AKT3: variants seen among roughly 807,000 people sequenced by gnomAD.
AKT3 encodes AKT serine/threonine kinase 3.
A neutral mutation model predicts 65.3 loss-of-function variants in AKT3; 15 were observed. The observed-to-expected ratio is 0.23, with a 90% CI of 0.15 to 0.35. The LOEUF (loss-of-function observed/expected upper bound fraction) is 0.35. Among genes scored for constraint, AKT3 ranks in the 10% least tolerant of loss-of-function variants. The pLI, the probability that AKT3 is intolerant of heterozygous loss-of-function variation, is 1.00. For missense variants in AKT3, 243 were observed against 576.5 expected (o/e 0.42, Z 5.92); for synonymous variants, 206 against 183.8 (o/e 1.12, Z -0.98).
At chr1:243,590,377 C>T (rs1571990156) in intron 8 of AKT3, among the ~76,000 whole-genome samples, 1 of 152,048 alleles carries the variant, frequency 6.6e-6, no homozygotes, top group East Asian at 1.9e-4. Context: ...TTTATTTGTT[C>T]ATTATACCTC....
chr1:243,489,461 G>T (rs1665846456), intron 13 of AKT3, among the ~76,000 whole-genome samples: 1 of 152,208 alleles, frequency 6.6e-6, no homozygotes, highest in South Asian at 2.1e-4. Flanking sequence ...GGCCGTGGGC[G>T]GCAGAACAGG....
chr1:243,731,072 A>C (rs1255067987), intron 2 of AKT3, among the ~76,000 whole-genome samples: 2 of 152,222 alleles, frequency 1.3e-5, no homozygotes, highest in Admixed American at 6.5e-5. Flanking sequence ...GTGAAACTCA[A>C]GCAGGGGCGC....
chr1:243,610,339 A>G (rs1235420918), intron 8 of AKT3, among the ~76,000 whole-genome samples: 4 of 152,218 alleles, frequency 2.6e-5, no homozygotes, highest in Non-Finnish European at 5.9e-5. Context: ...CCAACTATGT[A>G]CAAGCAGTGA....
chr1:243,646,167 A>G, intron 4 of AKT3, 130 bp from the exon 5 acceptor site: 1 of 687,098 alleles, frequency 1.5e-6, no homozygotes, highest in Non-Finnish European at 2.2e-6. Context: ...ACAGATAAGC[A>G]TACACTCTCA....
chr1:243,825,361 T>C (rs1417425229), intron 2 of AKT3, among the ~76,000 whole-genome samples: 1 of 152,192 alleles, frequency 6.6e-6, no homozygotes, highest in Non-Finnish European at 1.5e-5. Context: ...CGTTTACCTA[T>C]GTAACAAACC....
intron 12 of AKT3, among the ~76,000 whole-genome samples, chr1:243,542,967 T>A (rs1672419431): frequency 6.6e-6 from 1 of 152,188 alleles, no homozygotes; most frequent in African/African-American, 2.4e-5. Context: ...AATCTATTGT[T>A]TACAGAAACA....
chr1:243,723,938 T>C (rs954277656), intron 2 of AKT3, among the ~76,000 whole-genome samples: 4 of 152,132 alleles, frequency 2.6e-5, no homozygotes, highest in Admixed American at 6.6e-5. Context: ...GGTGTTTTCA[T>C]TGGCTTCGTT....
chr1:243,773,210 AT>A (rs201398137), intron 2 of AKT3, among the ~76,000 whole-genome samples: 9 of 137,532 alleles, frequency 6.5e-5, no homozygotes, highest in African/African-American at 2.5e-4. Flanking sequence ...TATAAAAAAT[AT>A]ATATATATAT....
chr1:243,645,958 T>C lies in AKT3; in HGVS notation c.364A>G (p.Thr122Ala), dbSNP rs371339772. The part of the protein sequence containing the change: ...QEEERMNCSP[T>A]SQIDNIGEEE... ...TCTCCTATATTATCAATTTGTGAAG[T>C]TGGACTACAATTCATTCTCTCCTCT... Residue 122 changes from threonine (T) to alanine (A), a missense_variant, in exon 5 of 14, where the codon ACT becomes GCT. By Grantham distance (58) the Thr-to-Ala change is moderately conservative (BLOSUM62 0). Around this residue, in one of 6 missense-constraint regions of AKT3, gnomAD observed 72 missense variants for 86.0 expected, o/e 0.84. Transcript: ENST00000673466. 16 of 1,612,604 alleles carry C rather than the reference T, an allele frequency of 9.9e-6. No homozygotes were observed. The highest frequency in any genetic ancestry group is 6.7e-5 in the African/African-American group (5 of 74,892).
intron 2 of AKT3, 137 bp from the exon 3 acceptor site, chr1:243,695,853 G>A: frequency 1.6e-6 from 1 of 613,268 alleles, no homozygotes. Context: ...TTTTAACTTA[G>A]CTTACAAAAG....
At chr1:243,599,839 G>A (rs1006009801) in intron 8 of AKT3, among the ~76,000 whole-genome samples, 2 of 152,000 alleles carry the variant, frequency 1.3e-5, no homozygotes, top group East Asian at 1.9e-4. Flanking sequence ...AGTTTAATAA[G>A]GCAAGGAAAT....
chr1:243,798,197 G>A (rs1347863987), intron 2 of AKT3, among the ~76,000 whole-genome samples: 1 of 139,294 alleles, frequency 7.2e-6, no homozygotes, highest in Non-Finnish European at 1.5e-5. Context: ...GTGAGCCACT[G>A]TGCCAGGCCC....
intron 2 of AKT3, among the ~76,000 whole-genome samples, chr1:243,709,451 C>T (rs1686011167): frequency 6.6e-6 from 1 of 151,712 alleles, no homozygotes; most frequent in African/African-American, 2.4e-5. Flanking sequence ...TCAAAAAAGT[C>T]CTTGCTTCTA....
chr1:243,844,026 G>T (rs1178120950), intron 1 of AKT3, among the ~76,000 whole-genome samples: 1 of 151,980 alleles, frequency 6.6e-6, no homozygotes. Context: ...CCTGTTCCAA[G>T]AAATATTTTA....
chr1:243,753,122 T>A (rs150746148), intron 2 of AKT3, among the ~76,000 whole-genome samples: 1 of 152,172 alleles, frequency 6.6e-6, no homozygotes, highest in Admixed American at 6.5e-5. Context: ...TATATCACCA[T>A]CCGATTTCAC....
At chr1:243,666,835 T>C (rs1031812963) in intron 3 of AKT3, among the ~76,000 whole-genome samples, 5 of 152,226 alleles carry the variant, frequency 3.3e-5, no homozygotes, top group African/African-American at 1.2e-4. Context: ...AAAGCCTGTT[T>C]TGTAGTAAAG....
chr1:243,601,284 G>C (rs1489434296), intron 8 of AKT3, among the ~76,000 whole-genome samples: 1 of 151,838 alleles, frequency 6.6e-6, no homozygotes, highest in Non-Finnish European at 1.5e-5. Context: ...ACAGACAAAA[G>C]ATTTTAAGAT....
At chr1:243,580,981 G>A (rs1462001876) in intron 8 of AKT3, among the ~76,000 whole-genome samples, 1 of 152,048 alleles carries the variant, frequency 6.6e-6, no homozygotes, top group Non-Finnish European at 1.5e-5. Flanking sequence ...CCCCTCCTAT[G>A]CAGAGATCTT....
At chr1:243,725,767 C>G (rs1257952193) in intron 2 of AKT3, among the ~76,000 whole-genome samples, 1 of 152,092 alleles carries the variant, frequency 6.6e-6, no homozygotes, top group East Asian at 1.9e-4. Context: ...AAAGTGGTAA[C>G]TGGCTTATAT....
Sources: allele counts gnomAD v4.1 joint callset (sites outside exome capture counted in the v4.1 genomes callset), GRCh38; gene constraint gnomAD v4.1.1; regional missense constraint gnomAD v4.1.1; transcripts MANE v1.5; gene names NCBI Gene and HGNC (gene_info 2026-07-23, HGNC 2026-07-21).